TENM4: variants seen among roughly 807,000 people sequenced by gnomAD.
TENM4 encodes teneurin-4.
Under a neutral mutation model 243.3 loss-of-function variants are expected in TENM4, and 82 were observed. That is an observed-to-expected ratio of 0.34 (90% CI 0.28 to 0.40). The LOEUF is 0.40. TENM4 is among the 10% of genes least tolerant of loss of function. TENM4 has a pLI of 1.00. For missense variants in TENM4, 3,138 were observed against 3,673.3 expected (o/e 0.85, Z 3.77); for synonymous variants, 1,412 against 1,456.3 (o/e 0.97, Z 0.69).
At chr11:79,301,791 C>A (rs1007656858) in intron 1 of TENM4, among the ~76,000 whole-genome samples, 2 of 152,130 alleles carry the variant, frequency 1.3e-5, no homozygotes, top group Non-Finnish European at 2.9e-5. Flanking sequence ...GGCCTCACCC[C>A]CCTTGCTCCC....
intron 6 of TENM4, among the ~76,000 whole-genome samples, chr11:78,974,789 T>C (rs1591176017): frequency 6.6e-6 from 1 of 150,470 alleles, no homozygotes; most frequent in East Asian, 2.0e-4. Flanking sequence ...TGGGCTCAAG[T>C]GATTCCTGTG....
At chr11:79,083,270 A>C (rs895691142) in intron 4 of TENM4, among the ~76,000 whole-genome samples, 4 of 152,210 alleles carry the variant, frequency 2.6e-5, no homozygotes, top group African/African-American at 7.2e-5. Context: ...TGCCATCGCA[A>C]GCCTTCGGCC....
At chr11:78,903,793 A>C in intron 6 of TENM4, 1 of 695,370 alleles carries the variant, frequency 1.4e-6, no homozygotes, top group Non-Finnish European at 2.6e-6. Flanking sequence ...ACAACATAAA[A>C]AAGACTAGTT....
chr11:79,067,854 C>T (rs1169757385), intron 5 of TENM4: 1 of 152,180 alleles, frequency 6.6e-6, no homozygotes, highest in African/African-American at 2.4e-5. Context: ...CAATCTTGGG[C>T]TTGTGATCAC....
At chr11:79,381,072 C>T (rs558409229) in intron 1 of TENM4, among the ~76,000 whole-genome samples, 1 of 152,284 alleles carries the variant, frequency 6.6e-6, no homozygotes, top group African/African-American at 2.4e-5. Context: ...AGGCCTCTGG[C>T]AGGCTCCTTG....
chr11:78,850,437 A>G (rs1316621492), intron 12 of TENM4, among the ~76,000 whole-genome samples: 1 of 152,200 alleles, frequency 6.6e-6, no homozygotes, highest in East Asian at 1.9e-4. Context: ...TTACAATTAT[A>G]TATTGGGGCC....
chr11:79,414,517 A>T (rs571759803), intron 1 of TENM4, among the ~76,000 whole-genome samples: 5 of 152,138 alleles, frequency 3.3e-5, no homozygotes, highest in Admixed American at 6.5e-5. Context: ...AAACATGCCA[A>T]CTCAAACTCG....
chr11:78,925,165 A>C (rs1188522095), intron 6 of TENM4, among the ~76,000 whole-genome samples: 1 of 152,152 alleles, frequency 6.6e-6, no homozygotes, highest in Non-Finnish European at 1.5e-5. Context: ...TCCCAACAAA[A>C]CAAAACAGAG....
intron 12 of TENM4, among the ~76,000 whole-genome samples, chr11:78,824,639 C>T (rs887208201): frequency 6.6e-6 from 1 of 151,860 alleles, no homozygotes; most frequent in Admixed American, 6.6e-5. Flanking sequence ...GTAGCTGGGA[C>T]TACAGGCGCA....
intron 12 of TENM4, among the ~76,000 whole-genome samples, chr11:78,836,006 G>T (rs538509067): frequency 1.5e-4 from 23 of 152,358 alleles, no homozygotes; most frequent in Non-Finnish European, 2.5e-4. Flanking sequence ...AACGAGAGAA[G>T]TGCATTTAAA....
chr11:79,163,736 CTGAG>C (rs1355963642), intron 3 of TENM4, among the ~76,000 whole-genome samples: 1 of 150,324 alleles, frequency 6.7e-6, no homozygotes, highest in Non-Finnish European at 1.5e-5. Flanking sequence ...CTTTTTATGT[CTGAG>C]TAATACTCCA....
At chr11:78,696,819 T>C (rs1412405744) in intron 28 of TENM4, among the ~76,000 whole-genome samples, 6 of 152,228 alleles carry the variant, frequency 3.9e-5, no homozygotes, top group Admixed American at 3.9e-4. Flanking sequence ...ACTATGGTGG[T>C]GGCAAAGCCT....
chr11:79,181,518 A>C (rs1863281290), intron 3 of TENM4, among the ~76,000 whole-genome samples: 1 of 152,158 alleles, frequency 6.6e-6, no homozygotes, highest in African/African-American at 2.4e-5. Flanking sequence ...TTTTCTGCTA[A>C]AAATCAGGAA....
chr11:78,715,467 A>G (rs1377934365), intron 25 of TENM4, among the ~76,000 whole-genome samples: 1 of 152,182 alleles, frequency 6.6e-6, no homozygotes, highest in East Asian at 1.9e-4. Flanking sequence ...GTCTCCCTGC[A>G]CTGCTCCAGA....
chr11:78,957,984 G>GA lies in TENM4; in HGVS notation c.494-54462dup, dbSNP rs113686097. On this transcript the variant is annotated intron_variant, in intron 6 of 33. Coordinates refer to ENST00000278550, the MANE Select transcript of TENM4 (RefSeq NM_001098816.3). ...AACAAAACAAAAAAAACAACAGAAG[G>GA]AAAAAAAAATGGGGCTCTAGAGTCA... Among the ~76,000 whole-genome samples the GA allele has an allele frequency of 5.9e-3, 891 of 150,730 alleles. 10 individuals are homozygous for GA. Among genetic ancestry groups the GA allele is most frequent in the African/African-American group, 0.02 (834 of 41,116 alleles).
intron 4 of TENM4, among the ~76,000 whole-genome samples, chr11:79,074,255 C>T (rs1489059132): frequency 4.6e-5 from 7 of 151,996 alleles, no homozygotes; most frequent in African/African-American, 7.3e-5. Context: ...TTTAACAGAG[C>T]GAGAAAGAAG....
In TENM4 at chr11:79,138,126, A is replaced by G. The variant is rs188113134; in HGVS notation, c.-66+10584T>C. On this transcript the variant is annotated intron_variant, in intron 4 of 33. Coordinates refer to ENST00000278550, the MANE Select transcript of TENM4 (RefSeq NM_001098816.3). ...ATATAAGCCGGCAGAAAAATGTAAA[A>G]AGAGAGACTGGCCTAGTCTCCCAGC... Among the ~76,000 whole-genome samples the G allele has an allele frequency of 3.6e-4, 54 of 151,002 alleles. 2 individuals are homozygous for G. The East Asian group carries it at 0.011, about 30-fold the overall frequency.
At chr11:79,243,594 G>A (rs1855462229) in intron 2 of TENM4, among the ~76,000 whole-genome samples, 1 of 152,200 alleles carries the variant, frequency 6.6e-6, no homozygotes, top group Non-Finnish European at 1.5e-5. Context: ...AGGGCTGCAA[G>A]AACACAGCCA....
At chr11:78,831,232 T>C (rs1857972125) in intron 12 of TENM4, among the ~76,000 whole-genome samples, 1 of 152,224 alleles carries the variant, frequency 6.6e-6, no homozygotes, top group Non-Finnish European at 1.5e-5. Context: ...CCAAGTTTCA[T>C]GGCAGCTCAG....
Sources: gnomAD v4.1 joint callset for allele counts (sites outside exome capture counted in the v4.1 genomes callset) on GRCh38, gnomAD v4.1.1 for gene constraint, MANE v1.5 for transcripts, NCBI Gene and HGNC (gene_info 2026-07-23, HGNC 2026-07-21) for gene names.